Variants in PABPC4L observed in about 807,000 individuals in gnomAD.
PABPC4L encodes the protein polyadenylate-binding protein 4-like.
For synonymous variants in PABPC4L, 169 were observed against 164.1 expected, an observed-to-expected ratio of 1.03 and a Z score of -0.23; for missense variants, 452 against 451.4, an observed-to-expected ratio of 1.00 and a Z score of -0.01.
chr4:134,197,935 A>T lies in PABPC4L; in HGVS notation c.*1972T>A, dbSNP rs1362088088. ...AAAATTGATTCTTTTTTAACCATTA[A>T]TTCTACTTCTAAACATTTTCTTAAG... On this transcript the variant is annotated 3_prime_UTR_variant, in exon 2 of 2. Coordinates refer to ENST00000421491, the MANE Select transcript of PABPC4L (RefSeq NM_001114734.2). The T allele has an allele frequency of 2.0e-5, 3 of 151,786 alleles. No individual in the cohort carries two copies. The highest frequency in any genetic ancestry group is 4.4e-5 in the Non-Finnish European group (3 of 67,716). The allele number at this position is 151,786 out of a possible 1,614,324, so 9.4% of individuals were successfully genotyped here.
the PABPC4L span, among the ~76,000 whole-genome samples, chr4:134,064,931 GT>G: frequency 6.6e-6 from 1 of 151,326 alleles, no homozygotes; most frequent in African/African-American, 2.4e-5. Flanking sequence ...ATATGATTTT[GT>G]TTTTTTTGGC....
chr4:134,047,520 T>C, the PABPC4L span, among the ~76,000 whole-genome samples: 6 of 152,206 alleles, frequency 3.9e-5, no homozygotes, highest in Admixed American at 2.0e-4. Flanking sequence ...TATTAAAATA[T>C]ACAAATGGCT....
chr4:134,147,523 T>C, the PABPC4L span, among the ~76,000 whole-genome samples: 2 of 152,160 alleles, frequency 1.3e-5, no homozygotes, highest in Admixed American at 1.3e-4. Flanking sequence ...GTTTATTATA[T>C]AGGAGATAAC....
At chr4:133,958,575 C>T in the PABPC4L span, among the ~76,000 whole-genome samples, 2 of 152,110 alleles carry the variant, frequency 1.3e-5, no homozygotes, top group African/African-American at 2.4e-5. Context: ...TGAAGAAATA[C>T]CCAAGACTGG....
chr4:134,090,526 A>G, the PABPC4L span, among the ~76,000 whole-genome samples: 1 of 152,084 alleles, frequency 6.6e-6, no homozygotes, highest in African/African-American at 2.4e-5. Context: ...GCAGCAACTC[A>G]GAAAGCTGCG....
chr4:134,044,072 C>T, the PABPC4L span, among the ~76,000 whole-genome samples: 19 of 151,496 alleles, frequency 1.3e-4, no homozygotes, highest in East Asian at 1.8e-3. Context: ...CCACCTCAGC[C>T]TCCAGCTTAT....
At chr4:133,975,370 G>A in the PABPC4L span, among the ~76,000 whole-genome samples, 1 of 151,968 alleles carries the variant, frequency 6.6e-6, no homozygotes, top group South Asian at 2.1e-4. Context: ...ATGAGTATTG[G>A]GTTTCTTTTT....
chr4:134,157,715 G>A, the PABPC4L span, among the ~76,000 whole-genome samples: 2 of 151,760 alleles, frequency 1.3e-5, no homozygotes, highest in African/African-American at 2.4e-5. Flanking sequence ...AATTGCATTT[G>A]AGTAGTACAT....
chr4:134,090,533 T>C, the PABPC4L span, among the ~76,000 whole-genome samples: 1 of 151,978 alleles, frequency 6.6e-6, no homozygotes. Context: ...CTCAGAAAGC[T>C]GCGATAGGAT....
At chr4:134,054,048 G>A in the PABPC4L span, among the ~76,000 whole-genome samples, 3 of 151,382 alleles carry the variant, frequency 2.0e-5, no homozygotes, top group Admixed American at 6.6e-5. Flanking sequence ...CATTTCTACA[G>A]TGACAAAGAA....
At chr4:134,154,865 A>G in the PABPC4L span, among the ~76,000 whole-genome samples, 1 of 152,068 alleles carries the variant, frequency 6.6e-6, no homozygotes, top group Non-Finnish European at 1.5e-5. Flanking sequence ...TTGTTGCTTA[A>G]TTTGAAAAAG....
chr4:134,063,006 C>T, the PABPC4L span, among the ~76,000 whole-genome samples: 1 of 152,162 alleles, frequency 6.6e-6, no homozygotes, highest in South Asian at 2.1e-4. Flanking sequence ...GTGGTTTCAA[C>T]CAGTCTTCTC....
the PABPC4L span, among the ~76,000 whole-genome samples, chr4:134,093,014 T>A: frequency 6.6e-6 from 1 of 152,174 alleles, no homozygotes; most frequent in East Asian, 1.9e-4. Context: ...TTGAATCTAT[T>A]TGAATAGAGA....
the PABPC4L span, among the ~76,000 whole-genome samples, chr4:134,164,090 C>T: frequency 1.2e-4 from 18 of 150,590 alleles, no homozygotes; most frequent in Admixed American, 3.3e-4. Flanking sequence ...GGTGAAACCC[C>T]GTCTCTACTA....
the PABPC4L span, among the ~76,000 whole-genome samples, chr4:134,153,521 G>T: frequency 2.0e-5 from 3 of 152,096 alleles, no homozygotes; most frequent in Non-Finnish European, 2.9e-5. Flanking sequence ...AATTGTTCAC[G>T]TGATATTATT....
chr4:134,049,336 C>A, the PABPC4L span, among the ~76,000 whole-genome samples: 2 of 152,060 alleles, frequency 1.3e-5, no homozygotes, highest in Non-Finnish European at 2.9e-5. Flanking sequence ...TGCCTTTCCT[C>A]TTTTATTTAG....
the PABPC4L span, among the ~76,000 whole-genome samples, chr4:134,013,686 C>A: frequency 6.6e-6 from 1 of 151,868 alleles, no homozygotes; most frequent in Admixed American, 6.6e-5. Flanking sequence ...CACATCGGTC[C>A]CTCCCTAGTC....
At chr4:134,081,548 C>T in the PABPC4L span, among the ~76,000 whole-genome samples, 1 of 152,050 alleles carries the variant, frequency 6.6e-6, no homozygotes, top group Non-Finnish European at 1.5e-5. Context: ...AGGACTGAGG[C>T]CTTTTTTGGC....
chr4:133,952,652 T>A, the PABPC4L span, among the ~76,000 whole-genome samples: 1 of 152,056 alleles, frequency 6.6e-6, no homozygotes, highest in Non-Finnish European at 1.5e-5. Context: ...TTTGTAAGGG[T>A]GTGATTTTTA....
Sources: allele counts gnomAD v4.1 joint callset (sites outside exome capture counted in the v4.1 genomes callset), GRCh38; gene constraint gnomAD v4.1.1; transcripts MANE v1.5; gene names NCBI Gene and HGNC (gene_info 2026-07-23, HGNC 2026-07-21).